Variants in TMTC2 observed in about 807,000 individuals in gnomAD.
The protein encoded by TMTC2 is protein O-mannosyl-transferase TMTC2.
TMTC2 carries 43 observed loss-of-function variants against 82.4 expected under a neutral mutation model. The observed-to-expected ratio is 0.52, with a 90% CI of 0.41 to 0.67. The LOEUF is 0.67. Ranked by LOEUF, TMTC2 falls within the 30% of genes least tolerant of loss-of-function variation. The pLI, the probability that TMTC2 is intolerant of heterozygous loss-of-function variation, is 0.00. For missense variants in TMTC2, 919 were observed against 1,012.4 expected (o/e 0.91, Z 1.25); for synonymous variants, 408 against 381.9 (o/e 1.07, Z -0.80).
At chr12:83,022,475 A>G (rs748149520) in intron 8 of TMTC2, among the ~76,000 whole-genome samples, 4 of 150,236 alleles carry the variant, frequency 2.7e-5, no homozygotes, top group African/African-American at 9.8e-5. Flanking sequence ...TTCCACCACT[A>G]AAATGTGAGC....
chr12:83,094,507 CAGAA>C (rs1883956344), intron 11 of TMTC2, among the ~76,000 whole-genome samples: 1 of 152,112 alleles, frequency 6.6e-6, no homozygotes, highest in Non-Finnish European at 1.5e-5. Context: ...CTTTCGTGGT[CAGAA>C]AGAAAGTAAT....
intron 2 of TMTC2, among the ~76,000 whole-genome samples, chr12:82,872,896 T>G (rs1408010372): frequency 6.6e-6 from 1 of 152,176 alleles, no homozygotes; most frequent in Non-Finnish European, 1.5e-5. Flanking sequence ...GCATAAACCC[T>G]GCATTAAATA....
intron 1 of TMTC2, among the ~76,000 whole-genome samples, chr12:82,754,321 G>A (rs765402894): frequency 1.2e-4 from 19 of 152,124 alleles, no homozygotes; most frequent in Non-Finnish European, 2.8e-4. Context: ...AACCCATGGG[G>A]TTTTGGGGCT....
intron 1 of TMTC2, among the ~76,000 whole-genome samples, chr12:82,792,356 G>A (rs1445152742): frequency 1.3e-5 from 2 of 151,814 alleles, no homozygotes; most frequent in Non-Finnish European, 2.9e-5. Context: ...ATGATGTTGA[G>A]CAACCATCAC....
intron 1 of TMTC2, among the ~76,000 whole-genome samples, chr12:82,831,022 G>A (rs758791834): frequency 2.4e-4 from 36 of 152,174 alleles, no homozygotes; most frequent in Non-Finnish European, 4.0e-4. Context: ...ACAATATTCT[G>A]TCTCACTTCT....
chr12:82,710,989 A>G (rs1040440178), intron 1 of TMTC2, among the ~76,000 whole-genome samples: 1 of 152,224 alleles, frequency 6.6e-6, no homozygotes, highest in African/African-American at 2.4e-5. Flanking sequence ...CTGGACAGAT[A>G]TTATGTATTT....
chr12:82,887,163 A>G (rs1873144490), intron 2 of TMTC2, among the ~76,000 whole-genome samples: 1 of 152,200 alleles, frequency 6.6e-6, no homozygotes, highest in Non-Finnish European at 1.5e-5. Context: ...GTTTGCCAAA[A>G]TGTAGGTCTC....
At chr12:82,932,533 C>T (rs1876095921) in intron 4 of TMTC2, among the ~76,000 whole-genome samples, 1 of 152,100 alleles carries the variant, frequency 6.6e-6, no homozygotes, top group African/African-American at 2.4e-5. Context: ...CCTACAAAGG[C>T]TCAAGTCCTC....
At chr12:82,975,781 C>A (rs551730951) in intron 7 of TMTC2, among the ~76,000 whole-genome samples, 1 of 151,926 alleles carries the variant, frequency 6.6e-6, no homozygotes, top group Admixed American at 6.6e-5. Context: ...TTTCTTTTAT[C>A]GTTTTCCTGC....
At chr12:82,719,669 G>GCC (rs1874103675) in intron 1 of TMTC2, among the ~76,000 whole-genome samples, 1 of 45,218 alleles carries the variant, frequency 2.2e-5, no homozygotes, top group Admixed American at 3.7e-4. Context: ...ATGTCTCTCT[G>GCC]TCTTTTTTTT....
rs1410795310 is a variant in TMTC2, at chr12:83,134,311, A to G, written c.*1922A>G. ...ATTGCAAAAAAAAAAAAGGAATTTAATATAAGGCTATAGAGATTAATTCAG... is the reference window on the plus strand; with the variant it reads ...ATTGCAAAAAAAAAAAAGGAATTTAGTATAAGGCTATAGAGATTAATTCAG... On this transcript the variant is annotated 3_prime_UTR_variant, in exon 12 of 12. Coordinates refer to ENST00000321196, the MANE Select transcript of TMTC2 (RefSeq NM_152588.3). The G allele has an allele frequency of 1.3e-5, 2 of 152,108 alleles. No individual in the cohort carries two copies. The highest frequency in any genetic ancestry group is 6.6e-5 in the Admixed American group (1 of 15,238). The allele number at this position is 152,108 out of a possible 1,614,324, so 9.4% of individuals were successfully genotyped here.
intron 1 of TMTC2, among the ~76,000 whole-genome samples, chr12:82,767,305 A>T (rs1877023656): frequency 6.6e-6 from 1 of 152,214 alleles, no homozygotes; most frequent in Non-Finnish European, 1.5e-5. Context: ...TAGGGTATGA[A>T]TGGGCACTGT....
At chr12:82,997,386 ATATATATATGTG>A (rs1156541231) in intron 8 of TMTC2, among the ~76,000 whole-genome samples, 449 of 39,894 alleles carry the variant, frequency 0.011, 19 homozygotes, top group African/African-American at 0.034. Context: ...ATATATGTGT[ATATATATATGTG>A]TATATATATA....
intron 4 of TMTC2, 67 bp from the exon 5 acceptor site, chr12:82,964,957 A>G: frequency 1.9e-6 from 2 of 1,055,186 alleles, no homozygotes; most frequent in Admixed American, 4.9e-5. Flanking sequence ...GGAATATAAA[A>G]TAAAAATTTG....
intron 8 of TMTC2, among the ~76,000 whole-genome samples, chr12:82,998,851 A>G (rs896523407): frequency 4.6e-5 from 7 of 152,282 alleles, no homozygotes; most frequent in African/African-American, 1.4e-4. Flanking sequence ...AACAAAGGCT[A>G]TAATTTTATG....
chr12:83,092,582 G>A lies in TMTC2; in HGVS notation c.2331+30751G>A, dbSNP rs114359482. On this transcript the variant is annotated intron_variant, in intron 11 of 11. Coordinates refer to ENST00000321196, the MANE Select transcript of TMTC2 (RefSeq NM_152588.3). ...CCAGATTGTATTGGGGAACCAATCA[G>A]CAGTCTCCACCATATTATCTATATT... is the stretch of plus-strand genomic sequence containing the variant. Among the ~76,000 whole-genome samples, 513 of 152,292 alleles carry A rather than the reference G, an allele frequency of 3.4e-3. 1 individual carries two copies. Among genetic ancestry groups the A allele is most frequent in the African/African-American group, 0.012 (491 of 41,564 alleles).
intron 11 of TMTC2, among the ~76,000 whole-genome samples, chr12:83,110,438 C>G (rs1884561373): frequency 6.6e-6 from 1 of 152,158 alleles, no homozygotes; most frequent in African/African-American, 2.4e-5. Context: ...TACCCCTTCT[C>G]TCCTTCTCTA....
intron 3 of TMTC2, among the ~76,000 whole-genome samples, chr12:82,911,775 A>G (rs1874676475): frequency 1.3e-5 from 2 of 151,796 alleles, no homozygotes; most frequent in Admixed American, 6.6e-5. Flanking sequence ...ATGCCTGGCT[A>G]AGTTTTGTAT....
At chr12:82,739,410 C>G (rs1381731029) in intron 1 of TMTC2, among the ~76,000 whole-genome samples, 1 of 151,986 alleles carries the variant, frequency 6.6e-6, no homozygotes, top group Non-Finnish European at 1.5e-5. Context: ...GCTGTTGTTT[C>G]TTTTCCTGTT....
Sources: allele counts gnomAD v4.1 joint callset (sites outside exome capture counted in the v4.1 genomes callset), GRCh38; gene constraint gnomAD v4.1.1; transcripts MANE v1.5; gene names NCBI Gene and HGNC (gene_info 2026-07-23, HGNC 2026-07-21).